Variants in SUCLG2 observed in about 807,000 individuals in gnomAD.
SUCLG2 encodes succinate-CoA ligase GDP-forming subunit beta.
Under a neutral mutation model 47.9 loss-of-function variants are expected in SUCLG2, and 42 were observed. The observed-to-expected ratio is 0.88, with a 90% confidence interval of 0.69 to 1.14. The LOEUF (loss-of-function observed/expected upper bound fraction) is 1.14, where lower values mean the gene tolerates loss of function less well. Among genes scored for constraint, SUCLG2 ranks in the 50% most tolerant of loss-of-function variants. The pLI, the probability that SUCLG2 is intolerant of heterozygous loss-of-function variation, is 0.00. For synonymous variants in SUCLG2, 195 were observed against 197.3 expected (o/e 0.99, Z 0.10); for missense variants, 571 against 525.9 (o/e 1.09, Z -0.84).
chr3:67,411,321 T>C (rs753481788), intron 9 of SUCLG2, among the ~76,000 whole-genome samples: 4 of 152,260 alleles, frequency 2.6e-5, no homozygotes, highest in South Asian at 4.1e-4. Context: ...ATTTAGTTAA[T>C]GGCAAAACCC....
intron 2 of SUCLG2, among the ~76,000 whole-genome samples, chr3:67,608,148 C>T (rs1227945509): frequency 1.3e-5 from 2 of 152,182 alleles, no homozygotes; most frequent in Non-Finnish European, 2.9e-5. Context: ...GTTAGCTTGA[C>T]TTTAAAGTCA....
chr3:67,411,838 T>C (rs1469183366), intron 9 of SUCLG2, among the ~76,000 whole-genome samples: 1 of 152,112 alleles, frequency 6.6e-6, no homozygotes, highest in Non-Finnish European at 1.5e-5. Flanking sequence ...CAAACTTAAA[T>C]TCAGGTAAAT....
chr3:67,393,716 C>A (rs923413980), intron 10 of SUCLG2, among the ~76,000 whole-genome samples: 1 of 152,210 alleles, frequency 6.6e-6, no homozygotes, highest in Admixed American at 6.5e-5. Context: ...GGCAGACTGC[C>A]TCCTCAAGTG....
chr3:67,499,216 G>A (rs9873407), intron 7 of SUCLG2, among the ~76,000 whole-genome samples: 81,322 of 151,624 alleles, frequency 0.54, 23,117 homozygotes, highest in Middle Eastern at 0.65. Context: ...TTTTCTTTTT[G>A]GTGTGGGAGA....
At chr3:67,514,354 C>T in intron 6 of SUCLG2, 1 of 327,536 alleles carries the variant, frequency 3.1e-6, no homozygotes, top group Non-Finnish European at 6.4e-6. Context: ...TGTATTCTTG[C>T]TGAAATAAAT....
At chr3:67,635,777 T>C (rs542789918) in intron 1 of SUCLG2, among the ~76,000 whole-genome samples, 15 of 152,246 alleles carry the variant, frequency 9.9e-5, no homozygotes, top group Admixed American at 8.5e-4. Context: ...ACCAAAAAGC[T>C]GGAAGTAAAA....
rs60035350 is a variant in SUCLG2, at chr3:67,364,802, G to GA, written c.1184-4035dup. On this transcript the variant is annotated intron_variant, in intron 10 of 10. Coordinates refer to the SUCLG2 transcript ENST00000493112. ...ATACTGGGAAGATCTCAAGCTGAAT[G>GA]AAAAAAAAGGTGATCCATAGATGCC... 2.7e-3 allele frequency among the ~76,000 whole-genome samples: 411 copies of GA among 151,910 alleles called. 2 individuals carry two copies. The highest frequency in any genetic ancestry group is 9.4e-3 in the African/African-American group (390 of 41,456).
chr3:67,452,384 G>A (rs2106938710), intron 9 of SUCLG2, among the ~76,000 whole-genome samples: 1 of 152,170 alleles, frequency 6.6e-6, no homozygotes, highest in South Asian at 2.1e-4. Flanking sequence ...AAAAATTTGG[G>A]CCTGCTTTTA....
At chr3:67,492,723 G>C (rs181061756) in intron 9 of SUCLG2, among the ~76,000 whole-genome samples, 44 of 152,186 alleles carry the variant, frequency 2.9e-4, no homozygotes, top group African/African-American at 1.0e-3. Context: ...AAAGACTCTT[G>C]TTTTATTCAG....
intron 2 of SUCLG2, among the ~76,000 whole-genome samples, chr3:67,543,529 T>C (rs533875234): frequency 1.3e-5 from 2 of 152,062 alleles, no homozygotes; most frequent in African/African-American, 4.8e-5. Flanking sequence ...TAGCCTGGCA[T>C]AGTGGCATAC....
Position 67,400,844 on chromosome 3 carries a change from G to C in SUCLG2, c.1070C>G (p.Ala357Gly), listed in dbSNP as rs1244643139. 3 of 1,612,150 alleles carry C rather than the reference G, an allele frequency of 1.9e-6. No homozygotes were observed. Among genetic ancestry groups the C allele is most frequent in the Non-Finnish European group, 2.5e-6 (3 of 1,179,632 alleles). ...KLLTADPKVE[A>G]ILVNIFGGIV... ...ACCACCAAATATATTGACAAGGATG[G>C]CTTCAACCTGAAATCAAAAATAAAA... is the stretch of plus-strand genomic sequence containing the variant. Residue 357 changes from alanine (A) to glycine (G), a missense_variant, in exon 10 of 11, where the codon GCC becomes GGC. Ala to Gly is a moderately conservative substitution (Grantham distance 60). Transcript: ENST00000307227.
At chr3:67,568,093 G>A (rs1278592345) in intron 2 of SUCLG2, among the ~76,000 whole-genome samples, 1 of 152,182 alleles carries the variant, frequency 6.6e-6, no homozygotes, top group Non-Finnish European at 1.5e-5. Flanking sequence ...GAGAGACCAG[G>A]ACAGCAAAAG....
intron 9 of SUCLG2, among the ~76,000 whole-genome samples, chr3:67,456,139 T>C (rs890270841): frequency 6.6e-6 from 1 of 152,190 alleles, no homozygotes; most frequent in African/African-American, 2.4e-5. Flanking sequence ...CCTGGAATCA[T>C]GTGATTGCTG....
At chr3:67,495,408 A>G (rs1439125778) in intron 9 of SUCLG2, among the ~76,000 whole-genome samples, 2 of 152,132 alleles carry the variant, frequency 1.3e-5, no homozygotes, top group African/African-American at 4.8e-5. Flanking sequence ...TAATTTCAGC[A>G]CTTTTGGAGG....
intron 9 of SUCLG2, among the ~76,000 whole-genome samples, chr3:67,404,186 T>C (rs1451185178): frequency 1.3e-5 from 2 of 151,844 alleles, no homozygotes; most frequent in African/African-American, 4.9e-5. Flanking sequence ...GCCTGGCCTC[T>C]TCCTTCTTCA....
At chr3:67,635,911 C>T (rs1701001903) in intron 1 of SUCLG2, among the ~76,000 whole-genome samples, 1 of 152,166 alleles carries the variant, frequency 6.6e-6, no homozygotes, top group Non-Finnish European at 1.5e-5. Context: ...CCTTCAAGTA[C>T]TTGTTTTATA....
intron 9 of SUCLG2, among the ~76,000 whole-genome samples, chr3:67,488,671 T>C (rs1481801416): frequency 1.3e-5 from 2 of 152,240 alleles, no homozygotes; most frequent in Non-Finnish European, 2.9e-5. Context: ...CCGACCATTA[T>C]TGATTGTCTT....
At chr3:67,650,571 A>T (rs914684987) in intron 1 of SUCLG2, among the ~76,000 whole-genome samples, 9 of 152,174 alleles carry the variant, frequency 5.9e-5, no homozygotes, top group Non-Finnish European at 1.2e-4. Flanking sequence ...AACCTGACCA[A>T]CATGGCGAAA....
At chr3:67,577,332 T>C (rs1183308643) in intron 2 of SUCLG2, among the ~76,000 whole-genome samples, 1 of 151,986 alleles carries the variant, frequency 6.6e-6, no homozygotes, top group Non-Finnish European at 1.5e-5. Context: ...AGTTAAGTGC[T>C]TATACTGAAG....
Sources: allele counts gnomAD v4.1 joint callset (sites outside exome capture counted in the v4.1 genomes callset), GRCh38; gene constraint gnomAD v4.1.1; transcripts MANE v1.5; gene names NCBI Gene and HGNC (gene_info 2026-07-23, HGNC 2026-07-21).